TRMT10C: variants seen among roughly 807,000 people sequenced by gnomAD.
The protein encoded by TRMT10C is tRNA methyltransferase 10 homolog C.
TRMT10C carries 14 observed loss-of-function variants against 27.4 expected under a neutral mutation model. That is an observed-to-expected ratio of 0.51 (90% confidence interval 0.34 to 0.80). TRMT10C has a LOEUF of 0.80. TRMT10C is among the 30% of genes least tolerant of loss of function. TRMT10C has a pLI of 0.02. For missense variants in TRMT10C, 438 were observed against 464.8 expected, an observed-to-expected ratio of 0.94 and a Z score of 0.53; for synonymous variants, 143 against 155.9, an observed-to-expected ratio of 0.92 and a Z score of 0.62.
In TRMT10C at chr3:101,564,962, C is replaced by A; in HGVS notation, c.181C>A (p.Leu61Ile). 1.2e-6 allele frequency: 2 copies of A among 1,613,454 alleles called. No individual in the cohort carries two copies. The highest frequency in any genetic ancestry group is 1.7e-6 in the Non-Finnish European group (2 of 1,179,898). Residue 61 changes from leucine (L) to isoleucine (I), a missense_variant, in exon 2 of 2, where the codon CTA becomes ATA. Around this residue, in one of 3 missense-constraint regions of TRMT10C, gnomAD observed 350 missense variants for 370.5 expected, o/e 0.94. Transcript: ENST00000309922. ...KNESTPPSEE[L>I]ELDKWKTTMK... is the part of the protein sequence containing the mutation. Reference sequence around the variant, plus strand: ...TGAGAGTACACCCCCTTCTGAAGAGCTAGAGTTGGATAAGTGGAAAACTAC... The same window carrying A: ...TGAGAGTACACCCCCTTCTGAAGAGATAGAGTTGGATAAGTGGAAAACTAC...
chr3:101,566,156 T>TTGGGAA lies in TRMT10C; in HGVS notation c.*163_*164insTGGGAA. 1 of 753,202 alleles carries TTGGGAA rather than the reference T, an allele frequency of 1.3e-6. No homozygotes were observed. Among genetic ancestry groups the TTGGGAA allele is most frequent in the Non-Finnish European group, 2.1e-6 (1 of 480,790 alleles). The allele number at this position is 753,202 out of a possible 1,614,324, so 46.7% of individuals were successfully genotyped here. On this transcript the variant is annotated 3_prime_UTR_variant, in exon 2 of 2. Coordinates refer to ENST00000309922, the MANE Select transcript of TRMT10C (RefSeq NM_017819.4). ...AAAGGTAGTCTTTCCCAACTGACTGTAGGGTTGTGTCTTTTCCCAATTAAA... is the reference window on the plus strand; with the variant it reads ...AAAGGTAGTCTTTCCCAACTGACTGTTGGGAAAGGGTTGTGTCTTTTCCCAATTAAA...
chr3:101,562,247 A>C (rs1317803990), intron 1 of TRMT10C: 1 of 152,216 alleles, frequency 6.6e-6, no homozygotes, highest in Non-Finnish European at 1.5e-5. Flanking sequence ...AGTCCTTGCC[A>C]GTTACAAGAA....
Position 101,566,056 on chromosome 3 carries a change from G to A in TRMT10C, c.*63G>A. 1 of 1,477,004 alleles carries A rather than the reference G, an allele frequency of 6.8e-7. No homozygotes were observed. The highest frequency in any genetic ancestry group is 9.1e-7 in the Non-Finnish European group (1 of 1,102,064). 91.5% of individuals were successfully genotyped at this position (1,477,004 alleles called of 1,614,324 possible). A position where few individuals can be genotyped will look rare whatever the true frequency, so the allele number is the denominator to read the frequency against. ...CGTGGCTCAAATGAGAACATTTGAT[G>A]GCTTAAAAAGTAAATGCGTTAGAAA... On this transcript the variant is annotated 3_prime_UTR_variant, in exon 2 of 2. Coordinates refer to ENST00000309922, the MANE Select transcript of TRMT10C (RefSeq NM_017819.4).
Position 101,566,244 on chromosome 3 carries a change from A to G in TRMT10C, c.*251A>G, listed in dbSNP as rs1286708801. 3.8e-5 allele frequency: 14 copies of G among 372,512 alleles called. No individual in the cohort carries two copies. The East Asian group carries it at 6.5e-4, about 17-fold the overall frequency. 23.1% of individuals were successfully genotyped at this position (372,512 alleles called of 1,614,324 possible). On this transcript the variant is annotated 3_prime_UTR_variant, in exon 2 of 2. Coordinates refer to ENST00000309922, the MANE Select transcript of TRMT10C (RefSeq NM_017819.4). ...AGAAAGATAATAAAAAGAGTTGTCCAAGATTGTTGAACAGAATAATCTTTA... is the reference window on the plus strand; with the variant it reads ...AGAAAGATAATAAAAAGAGTTGTCCGAGATTGTTGAACAGAATAATCTTTA...
Position 101,564,809 on chromosome 3 carries a change from AG to A in TRMT10C, c.29del (p.Ser10MetfsTer24). The part of the protein sequence containing the change: MAAFLKMSV[S>X]VNFFRPFTRF... ...GGCTGCTTTCCTCAAAATGAGTGTT[AG>A]TGTCAATTTCTTCAGACCTTTCACC... is the stretch of plus-strand genomic sequence containing the variant. On this transcript the variant is annotated frameshift_variant, in exon 2 of 2. Transcript: ENST00000309922. LOFTEE classifies it high-confidence loss of function. 6.3e-7 allele frequency: 1 copy of A among 1,599,558 alleles called. No homozygotes were observed. Among genetic ancestry groups the A allele is most frequent in the African/African-American group, 1.3e-5 (1 of 74,346 alleles).
At position 101,565,393 on chromosome 3, in the gene TRMT10C, T is replaced by G. The variant is rs1443395511; in HGVS notation, c.612T>G (p.Pro204=). The G allele has an allele frequency of 1.2e-6, 2 of 1,614,162 alleles. No individual in the cohort carries two copies. The highest frequency in any genetic ancestry group is 4.5e-5 in the East Asian group (2 of 44,886). Residue 204 remains proline (P), a synonymous_variant, in exon 2 of 2, where the codon CCT becomes CCG. Transcript: ENST00000309922. ...KGAQAMQFGQ[P]LVFDMAYENY... is the part of the protein sequence containing the mutation. Reference sequence around the variant, plus strand: ...CCCAGGCCATGCAGTTTGGACAACCTTTGGTTTTTGACATGGCTTACGAAA... The same window carrying G: ...CCCAGGCCATGCAGTTTGGACAACCGTTGGTTTTTGACATGGCTTACGAAA...
chr3:101,563,652 A>T (rs1934461934), intron 1 of TRMT10C, among the ~76,000 whole-genome samples: 1 of 152,234 alleles, frequency 6.6e-6, no homozygotes, highest in African/African-American at 2.4e-5. Flanking sequence ...CAGGGTCATT[A>T]AATGAAGCCA....
At chr3:101,563,525 A>C (rs1446080261) in intron 1 of TRMT10C, among the ~76,000 whole-genome samples, 1 of 152,086 alleles carries the variant, frequency 6.6e-6, no homozygotes, top group Non-Finnish European at 1.5e-5. Context: ...CTCAGAAGGG[A>C]AATGTATAGA....
At position 101,565,431 on chromosome 3, in the gene TRMT10C, G is replaced by C; in HGVS notation, c.650G>C (p.Arg217Pro). The C allele has an allele frequency of 6.2e-7, 1 of 1,614,102 alleles. No homozygotes were observed. The change falls in exon 2 of 2, where the codon CGA becomes CCA. Residue 217 changes from arginine to proline, a missense_variant. Arg to Pro is a moderately radical substitution (Grantham distance 103). This residue lies in a region of TRMT10C where 350 missense variants were observed against 370.5 expected (regional missense o/e 0.94). Coordinates refer to ENST00000309922, the MANE Select transcript of TRMT10C (RefSeq NM_017819.4). ...ATGGCTTACGAAAATTATATGAAAC[G>C]AAAAGAATTGCAGAATACTGTTTCC... ...FDMAYENYMKRKELQNTVSQL... is the reference protein window; with the variant it reads ...FDMAYENYMKPKELQNTVSQL...
At position 101,565,691 on chromosome 3, in the gene TRMT10C, G is replaced by T; in HGVS notation, c.910G>T (p.Asp304Tyr). The stretch of plus-strand genomic sequence containing the variant: ...CAATGTTATGACTACTTTCAGGCAT[G>T]ACAAAGTTTATGTAATTGGGTCTTT... Reference protein sequence around the residue: ...SPNVMTTFRHDKVYVIGSFVD... With the variant: ...SPNVMTTFRHYKVYVIGSFVD... Residue 304 changes from aspartate (D) to tyrosine (Y), a missense_variant, in exon 2 of 2, where the codon GAC (aspartate) becomes TAC (tyrosine). This residue lies in a region of TRMT10C where 350 missense variants were observed against 370.5 expected (regional missense o/e 0.94). Transcript: ENST00000309922. 6.2e-7 allele frequency: 1 copy of T among 1,614,142 alleles called. No homozygotes were observed. Among genetic ancestry groups the T allele is most frequent in the South Asian group, 1.1e-5 (1 of 91,070 alleles).
intron 1 of TRMT10C, among the ~76,000 whole-genome samples, 162 bp from the exon 2 acceptor site, chr3:101,564,608 C>T (rs1345550134): frequency 6.6e-6 from 1 of 152,104 alleles, no homozygotes; most frequent in Non-Finnish European, 1.5e-5. Flanking sequence ...TGATCACAGG[C>T]TGTAGACCAC....
In TRMT10C at chr3:101,565,956, A is replaced by G; in HGVS notation, c.1175A>G (p.Gln392Arg). Residue 392 changes from glutamine (Q) to arginine (R), a missense_variant, in exon 2 of 2, where the codon CAA becomes CGA. By Grantham distance (43) the Gln-to-Arg change is conservative (BLOSUM62 1). Transcript: ENST00000309922. ...TTTCTGGAGATTTCTCAGCATTCTC[A>G]AGAGTTTATCAACAGACTAAAGAAG... is the stretch of plus-strand genomic sequence containing the variant. The part of the protein sequence containing the change: ...TGFLEISQHS[Q>R]EFINRLKKAK... The G allele has an allele frequency of 6.2e-7, 1 of 1,612,590 alleles. No homozygotes were observed. The highest frequency in any genetic ancestry group is 8.5e-7 in the Non-Finnish European group (1 of 1,179,402).
In TRMT10C at chr3:101,566,031, C is replaced by G. The variant is rs146878542; in HGVS notation, c.*38C>G. The G allele has an allele frequency of 1.3e-6, 2 of 1,538,318 alleles. No individual in the cohort carries two copies. The highest frequency in any genetic ancestry group is 1.7e-4 in the Middle Eastern group (1 of 5,724). On this transcript the variant is annotated 3_prime_UTR_variant, in exon 2 of 2. Coordinates refer to ENST00000309922, the MANE Select transcript of TRMT10C (RefSeq NM_017819.4). ...AGGTTCTCTGAATGTGCACAGAACA[C>G]GTGGCTCAAATGAGAACATTTGATG...
chr3:101,562,107 C>G (rs1046996323), intron 1 of TRMT10C, 104 bp downstream of exon 1: 1 of 152,144 alleles, frequency 6.6e-6, no homozygotes, highest in Non-Finnish European at 1.5e-5. Flanking sequence ...GGAAGGCCCA[C>G]GGGTAAGAGG....
intron 1 of TRMT10C, among the ~76,000 whole-genome samples, chr3:101,563,242 A>G (rs920530930): frequency 1.5e-5 from 2 of 130,354 alleles, no homozygotes; most frequent in Non-Finnish European, 3.4e-5. Flanking sequence ...CAGCCTCACG[A>G]GTACCTGGGA....
At chr3:101,564,708 A>T (rs550774118) in intron 1 of TRMT10C, 62 bp from the exon 2 acceptor site, 1 of 1,384,166 alleles carries the variant, frequency 7.2e-7, no homozygotes, top group African/African-American at 1.4e-5. Context: ...TACTTGCACA[A>T]TTAGTTGAGA....
At chr3:101,564,730 T>C (rs1934480050) in intron 1 of TRMT10C, 40 bp from the exon 2 acceptor site, 3 of 1,477,366 alleles carry the variant, frequency 2.0e-6, no homozygotes, top group African/African-American at 2.8e-5. Context: ...GTTATAAAAA[T>C]CTTTGTCTAA....
In TRMT10C at chr3:101,566,197, G is replaced by T; in HGVS notation, c.*204G>T. On this transcript the variant is annotated 3_prime_UTR_variant, in exon 2 of 2. Coordinates refer to ENST00000309922, the MANE Select transcript of TRMT10C (RefSeq NM_017819.4). ...CCCAATTAAATATCTGCAGAACTTT[G>T]GGATTATACTTTGTTTACTGTAGAA... The T allele has an allele frequency of 1.9e-6, 1 of 524,412 alleles. No homozygotes were observed. The highest frequency in any genetic ancestry group is 3.4e-6 in the Non-Finnish European group (1 of 298,046). The allele number at this position is 524,412 out of a possible 1,614,324, so 32.5% of individuals were successfully genotyped here.
intron 1 of TRMT10C, among the ~76,000 whole-genome samples, chr3:101,562,550 C>G (rs746143402): frequency 2.0e-5 from 3 of 152,124 alleles, no homozygotes; most frequent in Non-Finnish European, 4.4e-5. Flanking sequence ...ACTCGGGAGG[C>G]TGAGGCAGGA....
Sources: gnomAD v4.1 joint callset for allele counts (sites outside exome capture counted in the v4.1 genomes callset) on GRCh38, gnomAD v4.1.1 for gene constraint, gnomAD v4.1.1 regional missense constraint, MANE v1.5 for transcripts, NCBI Gene and HGNC (gene_info 2026-07-23, HGNC 2026-07-21) for gene names.